Variants in PSORS1C1 observed in about 807,000 individuals in gnomAD.
The protein encoded by PSORS1C1 is psoriasis susceptibility 1 candidate gene 1 protein.
Under a neutral mutation model 9.4 loss-of-function variants are expected in PSORS1C1, and 7 were observed. The observed-to-expected ratio is 0.75, with a 90% confidence interval of 0.42 to 1.40. The LOEUF (loss-of-function observed/expected upper bound fraction) is 1.40, where lower values mean the gene tolerates loss of function less well. Ranked by LOEUF, PSORS1C1 falls within the 40% of genes most tolerant of loss-of-function variation. PSORS1C1 has a pLI of 0.01. For missense variants in PSORS1C1, 146 were observed against 178.1 expected (o/e 0.82, Z 1.02); for synonymous variants, 63 against 69.4 (o/e 0.91, Z 0.46).
At position 31,128,749 on chromosome 6, in the gene PSORS1C1, A is replaced by G. The variant is rs9263717; in HGVS notation, c.-64-820A>G. Among the ~76,000 whole-genome samples the G allele has an allele frequency of 0.27, 41,515 of 152,084 alleles. 6,256 individuals carry two copies. The highest frequency in any genetic ancestry group is 0.47 in the South Asian group (2,244 of 4,820). On this transcript the variant is annotated intron_variant, in intron 2 of 5. Transcript: ENST00000259881. This position sits in a 1 kb window ranked among gnomAD's most constrained non-coding sequence, Gnocchi z 4.3. ...TACCAAAGCGAGTCTTGGGTCTAAT[A>G]ATTTTGAAACATGAAATTGGCAGAG... is the stretch of plus-strand genomic sequence containing the variant.
chr6:31,115,163 G>GC lies in PSORS1C1; in HGVS notation c.-229+273dup, dbSNP rs1772037861. 2.1e-5 allele frequency: 7 copies of GC among 334,766 alleles called. No individual in the cohort carries two copies. Among genetic ancestry groups the GC allele is most frequent in the South Asian group, 1.7e-4 (7 of 41,678 alleles). The allele number at this position is 334,766 out of a possible 1,614,324, so 20.7% of individuals were successfully genotyped here. A position where few individuals can be genotyped will look rare whatever the true frequency, so the allele number is the denominator to read the frequency against. ...GGAAGGTAGAAGAGAAACACAGCCCGCTTTTGAAGGAAAATGAGGAACACA... is the reference window on the plus strand; with the variant it reads ...GGAAGGTAGAAGAGAAACACAGCCCGCCTTTTGAAGGAAAATGAGGAACACA... On this transcript the variant is annotated intron_variant, in intron 1 of 5. Transcript: ENST00000259881. This position sits in a 1 kb window ranked among gnomAD's most constrained non-coding sequence, Gnocchi z 4.2.
chr6:31,137,712 A>G, intron 3 of PSORS1C1: 1 of 384,320 alleles, frequency 2.6e-6, no homozygotes, highest in Non-Finnish European at 4.6e-6. Flanking sequence ...GAGGCGAGGT[A>G]GGAGAGTAGG....
intron 1 of PSORS1C1, chr6:31,120,375 G>A (rs755757570): frequency 7.5e-6 from 12 of 1,594,034 alleles, no homozygotes; most frequent in Admixed American, 1.7e-5. Flanking sequence ...CCATCATCCC[G>A]TGCCCACCCA....
chr6:31,116,962 C>T (rs1228793447), intron 1 of PSORS1C1: 33 of 1,614,090 alleles, frequency 2.0e-5, no homozygotes, highest in Non-Finnish European at 2.6e-5. Context: ...GTCCGAACTA[C>T]AGGGACGCTG....
rs779176995 is a variant in PSORS1C1, at chr6:31,138,729, C to T, written c.117C>T (p.Pro39=). The stretch of plus-strand genomic sequence containing the variant: ...CCAGCTCCGAGGAAACTCGTCCCCC[C>T]CACGTTAATCCTGACCGACTTTGCC... ...TDPSSEETRP[P]HVNPDRLCHM... Residue 39 remains proline (P), a synonymous_variant, in exon 5 of 6, where the codon CCC becomes CCT. Transcript: ENST00000259881. 6.2e-7 allele frequency: 1 copy of T among 1,613,810 alleles called. No individual in the cohort carries two copies. Among genetic ancestry groups the T allele is most frequent in the East Asian group, 2.2e-5 (1 of 44,866 alleles).
intron 3 of PSORS1C1, among the ~76,000 whole-genome samples, chr6:31,131,319 C>T (rs751314339): frequency 6.6e-6 from 1 of 151,580 alleles, no homozygotes; most frequent in Non-Finnish European, 1.5e-5. Flanking sequence ...ATGGGCCAGG[C>T]GCGGTGGCTT....
intron 3 of PSORS1C1, among the ~76,000 whole-genome samples, chr6:31,135,059 A>T (rs1443453180): frequency 6.7e-6 from 1 of 149,746 alleles, no homozygotes; most frequent in Non-Finnish European, 1.5e-5. Context: ...CAAGCAATCC[A>T]CCCGATTCGG....
rs145162876 is a variant in PSORS1C1 at position 31,136,276 on chromosome 6, A to T, written c.14-2154A>T. On this transcript the variant is annotated intron_variant, in intron 3 of 5. Coordinates refer to ENST00000259881, the MANE Select transcript of PSORS1C1 (RefSeq NM_014068.3). ...GTGGCACACACCTGTAATCCCAGCT[A>T]CTCGGGAGGTTGAGGCAGGAGAATC... Among the ~76,000 whole-genome samples, 1,491 of 150,652 alleles carry T rather than the reference A, an allele frequency of 9.9e-3. 12 individuals carry two copies. Among genetic ancestry groups the T allele is most frequent in the Non-Finnish European group, 0.015 (1,048 of 67,806 alleles).
intron 3 of PSORS1C1, among the ~76,000 whole-genome samples, chr6:31,130,453 C>T (rs1215033560): frequency 6.6e-6 from 1 of 151,634 alleles, no homozygotes; most frequent in East Asian, 1.9e-4. Flanking sequence ...ACTCTGTCGT[C>T]CAGGCTGGAG....
Position 31,134,340 on chromosome 6 carries a change from T to C in PSORS1C1, c.14-4090T>C, listed in dbSNP as rs112145999. ...TTTTTTGAGATGGAGTCTCGCTCTG[T>C]CGCCCAGGCTGGAGTGCAGTGGCAC... is the stretch of plus-strand genomic sequence containing the variant. On this transcript the variant is annotated intron_variant, in intron 3 of 5. Transcript: ENST00000259881. Among the ~76,000 whole-genome samples the C allele has an allele frequency of 0.012, 1,873 of 151,638 alleles. 74 individuals carry two copies. The East Asian group carries it at 0.14, about 11-fold the overall frequency.
At chr6:31,138,896 C>T (rs970230852) in intron 5 of PSORS1C1, 117 bp downstream of exon 5, 10 of 1,596,692 alleles carry the variant, frequency 6.3e-6, no homozygotes, top group African/African-American at 1.3e-5. Context: ...CAACCCCATG[C>T]GTCCAGTTCA....
chr6:31,117,919 A>C, intron 1 of PSORS1C1: 1 of 229,230 alleles, frequency 4.4e-6, no homozygotes, highest in Non-Finnish European at 8.6e-6. Context: ...GGCAACATAG[A>C]CCCCGTCTGT....
At position 31,139,643 on chromosome 6, in the gene PSORS1C1, A is replaced by G. The variant is rs1773345599; in HGVS notation, c.170A>G (p.His57Arg). 1 of 1,611,386 alleles carries G rather than the reference A, an allele frequency of 6.2e-7. No homozygotes were observed. Among genetic ancestry groups the G allele is most frequent in the East Asian group, 2.2e-5 (1 of 44,828 alleles). ...CHMEPANHFW[H>R]AGDLQAMISK... ...CTCTCCACCATGTCCTTCTTCAGGC[A>G]TGCAGGGGACCTCCAAGCAATGATA... Residue 57 changes from histidine (H) to arginine (R), a missense_variant and splice_region_variant, in exon 6 of 6, where the codon CAT becomes CGT. His to Arg is a conservative substitution (Grantham distance 29). Transcript: ENST00000259881. This position sits in a 1 kb window ranked among gnomAD's most constrained non-coding sequence, Gnocchi z 5.2.
At chr6:31,137,857 A>T in intron 3 of PSORS1C1, 1 of 572,898 alleles carries the variant, frequency 1.7e-6, no homozygotes, top group Non-Finnish European at 3.0e-6. Context: ...TTAAGGAGAC[A>T]GGCTAAATTG....
chr6:31,117,547 G>T, intron 1 of PSORS1C1: 2 of 1,547,928 alleles, frequency 1.3e-6, no homozygotes, highest in Non-Finnish European at 1.7e-6. Flanking sequence ...GGAAAGCAGT[G>T]GTTAGTAAGG....
At chr6:31,133,118 G>A (rs192486598) in intron 3 of PSORS1C1, among the ~76,000 whole-genome samples, 13 of 152,244 alleles carry the variant, frequency 8.5e-5, no homozygotes, top group Admixed American at 6.5e-4. Context: ...GGGCTGTTGG[G>A]AGTGATTTAG....
At chr6:31,126,765 A>C (rs538255125) in intron 2 of PSORS1C1, among the ~76,000 whole-genome samples, 1 of 152,082 alleles carries the variant, frequency 6.6e-6, no homozygotes, top group African/African-American at 2.4e-5. Flanking sequence ...TCTGCCCACC[A>C]AGCTTTCTTC....
intron 1 of PSORS1C1, among the ~76,000 whole-genome samples, chr6:31,121,480 C>A (rs146736651): frequency 3.9e-5 from 6 of 152,310 alleles, no homozygotes; most frequent in Admixed American, 2.0e-4. Flanking sequence ...CGGAGCCCTG[C>A]CATCTGCTGA....
rs1581832206 is a variant in PSORS1C1, at chr6:31,115,236, G to A, written c.-229+345G>A. 4.0e-6 allele frequency: 1 copy of A among 251,348 alleles called. No homozygotes were observed. Among genetic ancestry groups the A allele is most frequent in the East Asian group, 1.1e-4 (1 of 8,922 alleles). The allele number at this position is 251,348 out of a possible 1,614,324, so 15.6% of individuals were successfully genotyped here. On this transcript the variant is annotated intron_variant, in intron 1 of 5. Transcript: ENST00000259881. The surrounding 1 kb of genome is among the most constrained non-coding windows in gnomAD (Gnocchi z 4.2). ...GAGCACCACCCAGACTCTCAGAGGAGACCCAGGACTCCAAGAAGGCAAAAA... is the reference window on the plus strand; with the variant it reads ...GAGCACCACCCAGACTCTCAGAGGAAACCCAGGACTCCAAGAAGGCAAAAA...
Sources: allele counts gnomAD v4.1 joint callset (sites outside exome capture counted in the v4.1 genomes callset), GRCh38; gene constraint gnomAD v4.1.1; non-coding constraint Gnocchi (gnomAD v3.1); transcripts MANE v1.5; gene names NCBI Gene and HGNC (gene_info 2026-07-23, HGNC 2026-07-21).